PTPRD: variants seen among roughly 807,000 people sequenced by gnomAD.
PTPRD encodes the protein protein tyrosine phosphatase receptor type D, also known as receptor-type tyrosine-protein phosphatase delta.
In PTPRD, 34 loss-of-function variants were observed where a neutral mutation model predicts 214.5. The observed-to-expected ratio is 0.16, with a 90% CI of 0.12 to 0.21. The LOEUF is 0.21. PTPRD is among the 10% of genes least tolerant of loss of function. The pLI is 1.00. For missense variants in PTPRD, 2,545 were observed against 2,398.7 expected (o/e 1.06, Z -1.27); for synonymous variants, 1,128 against 845.7 (o/e 1.33, Z -5.79).
chr9:9,828,601 T>A (rs1477233123), intron 5 of PTPRD, among the ~76,000 whole-genome samples: 1 of 152,046 alleles, frequency 6.6e-6, no homozygotes, highest in African/African-American at 2.4e-5. Flanking sequence ...TGTATACATA[T>A]GTAACAAACC....
chr9:9,356,498 A>C (rs2053842517), intron 9 of PTPRD, among the ~76,000 whole-genome samples: 1 of 151,516 alleles, frequency 6.6e-6, no homozygotes, highest in South Asian at 2.1e-4. Flanking sequence ...TATGAATCAT[A>C]TGAGTGTTTG....
At chr9:9,768,757 A>G (rs999492956) in intron 5 of PTPRD, among the ~76,000 whole-genome samples, 2 of 152,222 alleles carry the variant, frequency 1.3e-5, no homozygotes, top group East Asian at 1.9e-4. Flanking sequence ...CATGAAAACA[A>G]AAGTATGGGG....
intron 32 of PTPRD, among the ~76,000 whole-genome samples, chr9:8,463,696 TAAATTTTGGATAATTCCAA>T (rs1366041780): frequency 6.6e-6 from 1 of 151,976 alleles, no homozygotes; most frequent in African/African-American, 2.4e-5. Context: ...AATAAGAGAT[TAAATTTTGGATAATTCCAA>T]ACCAGTTATC....
chr9:10,568,630 T>C (rs1350373845), intron 2 of PTPRD, among the ~76,000 whole-genome samples: 1 of 152,080 alleles, frequency 6.6e-6, no homozygotes, highest in Admixed American at 6.6e-5. Context: ...TATCTACAAC[T>C]ATCTGATTGT....
intron 35 of PTPRD, among the ~76,000 whole-genome samples, chr9:8,421,370 T>TTCTCTTCTCTC (rs141962478): frequency 5.7e-4 from 83 of 146,756 alleles, no homozygotes; most frequent in African/African-American, 2.2e-3. Context: ...TTCTCTTCTC[T>TTCTCTTCTCTC]TCTCTCTCTC....
chr9:8,449,786 C>T lies in PTPRD; in HGVS notation c.3927G>A (p.Glu1309=), dbSNP rs1323100485. Residue 1309 remains glutamate, a synonymous_variant, in exon 34 of 46, where the codon GAG becomes GAA. Transcript: ENST00000381196. The part of the protein sequence containing the change: ...SRKSSIPNNK[E]IPSHHPTDPV... ...GGTCTGTTGGGTGGTGTGAAGGGAT[C>T]TCCTTATTGTTCGGTATGCTGCTTT... is the stretch of plus-strand genomic sequence containing the variant. The T allele has an allele frequency of 6.2e-7, 1 of 1,614,070 alleles. No individual in the cohort carries two copies. Among genetic ancestry groups the T allele is most frequent in the South Asian group, 1.1e-5 (1 of 91,078 alleles).
At chr9:9,164,445 T>G (rs892512959) in intron 10 of PTPRD, among the ~76,000 whole-genome samples, 2 of 152,152 alleles carry the variant, frequency 1.3e-5, no homozygotes, top group Admixed American at 6.6e-5. Flanking sequence ...CTGATCACGA[T>G]ATCTTTAACT....
intron 5 of PTPRD, among the ~76,000 whole-genome samples, chr9:9,935,549 A>G (rs1263682859): frequency 6.6e-6 from 1 of 152,122 alleles, no homozygotes; most frequent in Non-Finnish European, 1.5e-5. Flanking sequence ...AAGGAGAACT[A>G]CAAACCAATG....
Position 10,054,587 on chromosome 9 carries a change from G to A in PTPRD, c.-544-20797C>T, listed in dbSNP as rs2097587630. Among the ~76,000 whole-genome samples the A allele has an allele frequency of 2.6e-5, 4 of 152,094 alleles. No individual in the cohort carries two copies. The South Asian group carries it at 6.2e-4, about 24-fold the overall frequency. ...CACAACCCAGAAAGGTCTTTTTCAA[G>A]GACGTGGGAGCCATTCCTTTGAAAT... On this transcript the variant is annotated intron_variant, in intron 3 of 45. Coordinates refer to ENST00000381196, the MANE Select transcript of PTPRD (RefSeq NM_002839.4).
intron 3 of PTPRD, among the ~76,000 whole-genome samples, chr9:10,053,209 G>C (rs1328396105): frequency 6.6e-6 from 1 of 152,158 alleles, no homozygotes; most frequent in Admixed American, 6.6e-5. Flanking sequence ...AATAAACAAA[G>C]ATGACCTGAC....
At chr9:8,978,194 T>C (rs991638533) in intron 11 of PTPRD, among the ~76,000 whole-genome samples, 1 of 152,054 alleles carries the variant, frequency 6.6e-6, no homozygotes, top group African/African-American at 2.4e-5. Flanking sequence ...TCCCACACAA[T>C]GTGGAATAAG....
chr9:10,271,404 TA>T lies in PTPRD; in HGVS notation c.-545+69558del, dbSNP rs140508888. On this transcript the variant is annotated intron_variant, in intron 3 of 45. Transcript: ENST00000381196. ...TAACTCAGAGTCTCTTTATGACTTC[TA>T]AGAATCTAATGGTTCAAAGAACATT... 3.3e-3 allele frequency among the ~76,000 whole-genome samples: 501 copies of T among 152,106 alleles called. 7 individuals are homozygous for T. The highest frequency in any genetic ancestry group is 0.032 in the East Asian group (166 of 5,168).
At chr9:10,347,409 C>A (rs974046190) in intron 2 of PTPRD, among the ~76,000 whole-genome samples, 6 of 127,934 alleles carry the variant, frequency 4.7e-5, no homozygotes, top group Admixed American at 2.4e-4. Flanking sequence ...AGCTATTTGT[C>A]TTTTTTTTTT....
intron 11 of PTPRD, among the ~76,000 whole-genome samples, chr9:8,840,593 C>A (rs2097538883): frequency 6.6e-6 from 1 of 152,198 alleles, no homozygotes; most frequent in Non-Finnish European, 1.5e-5. Context: ...TACTCCACCA[C>A]CTGTTGAACA....
At chr9:9,139,462 T>G (rs1051905319) in intron 10 of PTPRD, among the ~76,000 whole-genome samples, 4 of 152,172 alleles carry the variant, frequency 2.6e-5, no homozygotes, top group African/African-American at 9.7e-5. Flanking sequence ...AGGCACAGTA[T>G]GAGATTAGCA....
At chr9:8,833,292 A>C (rs2097336561) in intron 11 of PTPRD, among the ~76,000 whole-genome samples, 1 of 152,112 alleles carries the variant, frequency 6.6e-6, no homozygotes, top group African/African-American at 2.4e-5. Context: ...TGAGCATGTG[A>C]CTTTTGAAAC....
At chr9:8,561,923 C>T (rs983334236) in intron 14 of PTPRD, among the ~76,000 whole-genome samples, 1 of 151,944 alleles carries the variant, frequency 6.6e-6, no homozygotes, top group Non-Finnish European at 1.5e-5. Context: ...TGCCATCCAT[C>T]TTGAAAAAAT....
At chr9:10,449,888 C>T (rs1213555411) in intron 2 of PTPRD, among the ~76,000 whole-genome samples, 6 of 151,766 alleles carry the variant, frequency 4.0e-5, no homozygotes, top group African/African-American at 1.5e-4. Context: ...CCATTTTGTT[C>T]TGTACTAAGA....
intron 34 of PTPRD, among the ~76,000 whole-genome samples, chr9:8,439,342 T>G (rs981212335): frequency 6.6e-6 from 1 of 152,204 alleles, no homozygotes; most frequent in Non-Finnish European, 1.5e-5. Context: ...ATTCTCTTCT[T>G]CATAACTTTC....
Sources: gnomAD v4.1 joint callset for allele counts (sites outside exome capture counted in the v4.1 genomes callset) on GRCh38, gnomAD v4.1.1 for gene constraint, MANE v1.5 for transcripts, NCBI Gene and HGNC (gene_info 2026-07-23, HGNC 2026-07-21) for gene names.